The following PIK3C2G variants were observed in gnomAD, a reference collection of about 807,000 sequenced individuals.
The protein encoded by PIK3C2G is phosphatidylinositol 3-kinase C2 domain-containing subunit gamma.
Under a neutral mutation model 181.1 loss-of-function variants are expected in PIK3C2G, and 168 were observed. The observed-to-expected ratio is 0.93, with a 90% CI of 0.82 to 1.05. The LOEUF (loss-of-function observed/expected upper bound fraction) is 1.05. PIK3C2G is among the 50% of genes least tolerant of loss of function. The probability of loss-of-function intolerance (pLI) is 0.00; values close to 1 mark genes in which losing one functional copy is unlikely to be tolerated. For synonymous variants in PIK3C2G, 573 were observed against 592.2 expected, an observed-to-expected ratio of 0.97 and a Z score of 0.47; for missense variants, 1,869 against 1,732.8, an observed-to-expected ratio of 1.08 and a Z score of -1.40.
chr12:18,516,249 T>C (rs1453497717), intron 24 of PIK3C2G, among the ~76,000 whole-genome samples: 6 of 145,102 alleles, frequency 4.1e-5, no homozygotes, highest in African/African-American at 1.5e-4. Flanking sequence ...AGTACTGTAT[T>C]ATTGACTGAT....
At chr12:18,415,270 C>A (rs934592243) in intron 16 of PIK3C2G, among the ~76,000 whole-genome samples, 4 of 152,168 alleles carry the variant, frequency 2.6e-5, no homozygotes, top group Non-Finnish European at 5.9e-5. Flanking sequence ...AACTATGTCC[C>A]ATTTGGAAAT....
chr12:18,282,872 T>A (rs2137128225), intron 2 of PIK3C2G, 113 bp downstream of exon 2: 1 of 746,918 alleles, frequency 1.3e-6, no homozygotes, highest in East Asian at 2.7e-5. Context: ...AATCTATTCA[T>A]CTTACTTTTG....
intron 14 of PIK3C2G, among the ~76,000 whole-genome samples, chr12:18,383,812 T>G (rs551248099): frequency 2.3e-4 from 33 of 143,248 alleles, no homozygotes; most frequent in Non-Finnish European, 3.2e-4. Context: ...GGTTTGGGTG[T>G]TTTTTTTTTG....
rs190917931 is a variant in PIK3C2G at position 18,571,305 on chromosome 12, A to G, written c.4011+4248A>G. Among the ~76,000 whole-genome samples the G allele has an allele frequency of 5.3e-3, 805 of 150,804 alleles. 25 individuals carry two copies. Among genetic ancestry groups the G allele is most frequent in the Non-Finnish European group, 7.5e-3 (510 of 67,920 alleles). The stretch of plus-strand genomic sequence containing the variant: ...TTTGCAATGTTTTATGATCCTAAAT[A>G]TGGGCAATTTCGGTAAAAATTCCAT... On this transcript the variant is annotated intron_variant, in intron 29 of 32. Coordinates refer to ENST00000538779, the MANE Select transcript of PIK3C2G (RefSeq NM_001288772.2).
At chr12:18,529,216 G>A (rs1337607366) in intron 24 of PIK3C2G, among the ~76,000 whole-genome samples, 1 of 152,062 alleles carries the variant, frequency 6.6e-6, no homozygotes, top group African/African-American at 2.4e-5. Context: ...GTCATGAAAG[G>A]TGGTTGCACT....
At chr12:18,557,389 TTTAAAAA>T (rs1945067819) in intron 26 of PIK3C2G, among the ~76,000 whole-genome samples, 1 of 152,038 alleles carries the variant, frequency 6.6e-6, no homozygotes, top group African/African-American at 2.4e-5. Context: ...GACTCAGTAC[TTTAAAAA>T]TTAAAAAGAA....
chr12:18,324,383 TG>T (rs150980400), intron 7 of PIK3C2G, among the ~76,000 whole-genome samples: 12,013 of 152,204 alleles, frequency 0.079, 869 homozygotes, highest in Admixed American at 0.23. Context: ...AAAATAATGG[TG>T]TTTGTTTTAA....
At chr12:18,509,979 T>G (rs550832213) in intron 24 of PIK3C2G, among the ~76,000 whole-genome samples, 1 of 152,288 alleles carries the variant, frequency 6.6e-6, no homozygotes, top group South Asian at 2.1e-4. Context: ...TATTATCTTC[T>G]TTTTTGGGGG....
intron 18 of PIK3C2G, among the ~76,000 whole-genome samples, chr12:18,433,329 A>G (rs1348766418): frequency 6.6e-6 from 1 of 152,076 alleles, no homozygotes; most frequent in Non-Finnish European, 1.5e-5. Context: ...CCTGCCCAAC[A>G]TGGTGAAACC....
At chr12:18,379,987 C>A (rs971400401) in intron 13 of PIK3C2G, among the ~76,000 whole-genome samples, 1 of 152,232 alleles carries the variant, frequency 6.6e-6, no homozygotes, top group Admixed American at 6.5e-5. Flanking sequence ...TTCCTCCTGC[C>A]TGTTAATCAC....
the PIK3C2G span, among the ~76,000 whole-genome samples, chr12:18,688,664 A>G: frequency 1.3e-5 from 2 of 151,992 alleles, no homozygotes; most frequent in African/African-American, 4.8e-5. Flanking sequence ...TCACAAAATC[A>G]GTTATTTCAT....
intron 23 of PIK3C2G, 141 bp downstream of exon 23, chr12:18,503,558 C>T: frequency 1.9e-6 from 1 of 530,728 alleles, no homozygotes; most frequent in Non-Finnish European, 3.1e-6. Flanking sequence ...AATTAATCAG[C>T]CCAGTTTAAA....
At position 18,325,162 on chromosome 12, in the gene PIK3C2G, C is replaced by T. The variant is rs1213316048; in HGVS notation, c.1272+64C>T. 3.3e-6 allele frequency: 3 copies of T among 921,506 alleles called. No homozygotes were observed. The African/African-American group carries it at 5.0e-5, about 15-fold the overall frequency. 57.1% of individuals were successfully genotyped at this position (921,506 alleles called of 1,614,324 possible). Reference sequence around the variant, plus strand: ...CGTTTTTAACGCATCTACTATTTTTCTAAAACTTTGCAAATTTTGAAGATG... The same window carrying T: ...CGTTTTTAACGCATCTACTATTTTTTTAAAACTTTGCAAATTTTGAAGATG... On this transcript the variant is annotated intron_variant, in intron 8 of 32. Transcript: ENST00000538779.
chr12:18,559,821 T>TATATATATATAGAGAGAGAG (rs1945244509), intron 26 of PIK3C2G, among the ~76,000 whole-genome samples: 1 of 18,372 alleles, frequency 5.4e-5, no homozygotes, highest in Non-Finnish European at 9.6e-5. Context: ...TATATATATA[T>TATATATATATAGAGAGAGAG]AGAGAGAGAG....
At chr12:18,681,955 G>A in the PIK3C2G span, among the ~76,000 whole-genome samples, 6 of 152,042 alleles carry the variant, frequency 3.9e-5, no homozygotes, top group Admixed American at 1.3e-4. Flanking sequence ...AGGGTAAAGC[G>A]TTGGGTCAAT....
chr12:18,547,682 C>T lies in PIK3C2G; in HGVS notation c.3590+1250C>T, dbSNP rs372443676. Among the ~76,000 whole-genome samples the T allele has an allele frequency of 4.6e-5, 6 of 129,992 alleles. No homozygotes were observed. The East Asian group carries it at 1.4e-3, about 30-fold the overall frequency. 85.3% of individuals were successfully genotyped at this position (129,992 alleles called of 152,430 possible). On this transcript the variant is annotated intron_variant, in intron 26 of 32. Coordinates refer to ENST00000538779, the MANE Select transcript of PIK3C2G (RefSeq NM_001288772.2). ...AACAAAACAAAAAAAACCCTGCCTT[C>T]TTGCTATCTAGTTCATTAGAGATCC...
intron 7 of PIK3C2G, among the ~76,000 whole-genome samples, chr12:18,321,862 T>C (rs1381762913): frequency 1.3e-5 from 2 of 152,002 alleles, no homozygotes; most frequent in African/African-American, 2.4e-5. Context: ...TACCACACAT[T>C]CTCACTTATA....
intron 26 of PIK3C2G, among the ~76,000 whole-genome samples, chr12:18,553,422 G>A (rs1336936669): frequency 2.0e-5 from 3 of 152,026 alleles, no homozygotes; most frequent in Non-Finnish European, 4.4e-5. Flanking sequence ...AGTTTGTTCT[G>A]ATTTGGTCAC....
chr12:18,308,634 GAGT>G (rs1482874982), intron 5 of PIK3C2G, among the ~76,000 whole-genome samples: 1 of 151,562 alleles, frequency 6.6e-6, no homozygotes, highest in Non-Finnish European at 1.5e-5. Flanking sequence ...TGTTCTAGAA[GAGT>G]AGTTATCAAA....
Sources: allele counts gnomAD v4.1 joint callset (sites outside exome capture counted in the v4.1 genomes callset), GRCh38; gene constraint gnomAD v4.1.1; transcripts MANE v1.5; gene names NCBI Gene and HGNC (gene_info 2026-07-23, HGNC 2026-07-21).